Variants in APBA3 observed in about 807,000 individuals in gnomAD.
APBA3 encodes the protein amyloid-beta A4 precursor protein-binding family A member 3.
A neutral mutation model predicts 55.9 loss-of-function variants in APBA3; 45 were observed. The observed-to-expected ratio is 0.80, with a 90% CI of 0.63 to 1.03. The LOEUF is 1.03. APBA3 is among the 50% of genes least tolerant of loss of function. The pLI, the probability that APBA3 is intolerant of heterozygous loss-of-function variation, is 0.00. For missense variants in APBA3, 865 were observed against 820.3 expected, an observed-to-expected ratio of 1.05 and a Z score of -0.67; for synonymous variants, 370 against 353.3, an observed-to-expected ratio of 1.05 and a Z score of -0.53.
intron 3 of APBA3, chr19:3,755,672 C>G (rs2037071731): frequency 6.6e-6 from 1 of 151,950 alleles, no homozygotes; most frequent in Non-Finnish European, 1.5e-5. Context: ...TGGCGCGTGC[C>G]TATAATCCCA....
In APBA3 at chr19:3,753,827, C is replaced by T; in HGVS notation, c.949G>A (p.Ala317Thr). ...AGGCGGCGGCCGTGGTCCTGGGGTG[C>T]CGGCCTCCGTGCCAGCCGCCGCCGC... ...MARRRLARRPAPQDHGRRLYK... is the reference protein window; with the variant it reads ...MARRRLARRPTPQDHGRRLYK... The change falls in exon 6 of 11, where the codon GCA becomes ACA. Residue 317 changes from alanine to threonine, a missense_variant. Physicochemically the swap from Ala to Thr is moderately conservative, Grantham distance 58. Transcript: ENST00000316757. 1 of 1,575,150 alleles carries T rather than the reference C, an allele frequency of 6.3e-7. No homozygotes were observed.
chr19:3,760,149 G>C lies in APBA3; in HGVS notation c.116C>G (p.Pro39Arg), dbSNP rs1251465882. 7 of 1,613,322 alleles carry C rather than the reference G, an allele frequency of 4.3e-6. No homozygotes were observed. The highest frequency in any genetic ancestry group is 2.7e-5 in the African/African-American group (2 of 74,958). The change falls in exon 2 of 11, where the codon CCT (proline) becomes CGT (arginine). Residue 39 changes from proline (P) to arginine (R), a missense_variant. By Grantham distance (103) the Pro-to-Arg change is moderately radical. Transcript: ENST00000316757. ...GAGGCTGCCGGGGCCTCCTGGCATA[G>C]GGTCCCACTGGCTGTCAGGGGTGAG... ...EDLTPDSQWD[P>R]MPGGPGSLSR...
rs990387806 is a variant in APBA3, at chr19:3,758,258, A to AT, written c.616+1302dup. Among the ~76,000 whole-genome samples the AT allele has an allele frequency of 6.0e-5, 9 of 151,078 alleles. No individual in the cohort carries two copies. In the East Asian group the frequency reaches 1.4e-3, roughly 23 times the overall value. On this transcript the variant is annotated intron_variant, in intron 3 of 10. Transcript: ENST00000316757. ...TTATGCACACTGAAATTTGAATTGC[A>AT]TTTTTTTATTTTTGAGACAGAGTCT...
Position 3,759,593 on chromosome 19 carries a change from TC to T in APBA3, c.583del (p.Glu195ArgfsTer69), listed in dbSNP as rs1261306011. ...GGGGGCAGGGTAGGAAGCCAGGGTC[TC>T]GGGGCTCTGGAAGAAGATAGAGGAG... ...EEPPAGAQSP[E>X]TLASYPAPQE... On this transcript the variant is annotated frameshift_variant, in exon 3 of 11. Transcript: ENST00000316757. LOFTEE classifies it high-confidence loss of function. The T allele has an allele frequency of 1.1e-5, 17 of 1,600,122 alleles. No individual in the cohort carries two copies. Among genetic ancestry groups the T allele is most frequent in the Non-Finnish European group, 1.4e-5 (17 of 1,174,944 alleles).
At chr19:3,753,684 TAA>T (rs1213355255) in intron 6 of APBA3, 79 bp downstream of exon 6, 1 of 1,324,112 alleles carries the variant, frequency 7.6e-7, no homozygotes, top group African/African-American at 1.5e-5. Flanking sequence ...GGAGGGAGGT[TAA>T]ATGCACGGCC....
chr19:3,751,398 ACCCCCC>A, intron 9 of APBA3, 30 bp downstream of exon 9: 1 of 1,510,678 alleles, frequency 6.6e-7, no homozygotes, highest in Non-Finnish European at 8.8e-7. Flanking sequence ...GGGCCGCCCT[ACCCCCC>A]CACCCCGGGG....
At chr19:3,754,134 C>T (rs2037046593) in intron 4 of APBA3, 29 bp from the exon 5 acceptor site, 7 of 1,565,058 alleles carry the variant, frequency 4.5e-6, no homozygotes, top group African/African-American at 1.4e-5. Flanking sequence ...GAGGTGGAGG[C>T]CCCCACAGAC....
At chr19:3,751,406 A>C (rs200327952) in intron 9 of APBA3, 28 bp downstream of exon 9, 1 of 1,513,364 alleles carries the variant, frequency 6.6e-7, no homozygotes, top group Non-Finnish European at 8.8e-7. Flanking sequence ...CTACCCCCCC[A>C]CCCCGGGGCC....
rs572927458 is a variant in APBA3, at chr19:3,761,199, C to T, written c.-38+337G>A. The stretch of plus-strand genomic sequence containing the variant: ...TTCCAGGTCCTCCTCCCTCAAGACG[C>T]GGAACCCAGGCTGGAGACCCAGACC... On this transcript the variant is annotated intron_variant, in intron 1 of 10. Transcript: ENST00000316757. 2.0e-3 allele frequency among the ~76,000 whole-genome samples: 311 copies of T among 152,202 alleles called. 2 individuals are homozygous for T. The highest frequency in any genetic ancestry group is 7.2e-3 in the African/African-American group (297 of 41,522).
rs781639590 is a variant in APBA3 at position 3,759,560 on chromosome 19, C to T, written c.616+1G>A. On this transcript the variant is annotated splice_donor_variant, in intron 3 of 10. Coordinates refer to ENST00000316757, the MANE Select transcript of APBA3 (RefSeq NM_004886.4). LOFTEE classifies it high-confidence loss of function. ...GAGGCTAGGGTGGGCGGGACACTCA[C>T]CCTCCTGGGGGGCAGGGTAGGAAGC... is the stretch of plus-strand genomic sequence containing the variant. The T allele has an allele frequency of 1.1e-5, 17 of 1,598,526 alleles. No homozygotes were observed. In the East Asian group the frequency reaches 2.5e-4, roughly 23 times the overall value.
At chr19:3,759,187 C>G (rs1017811415) in intron 3 of APBA3, among the ~76,000 whole-genome samples, 3 of 152,202 alleles carry the variant, frequency 2.0e-5, no homozygotes, top group African/African-American at 7.2e-5. Context: ...TGAGATCAAG[C>G]CACTGCACTC....
In APBA3 at chr19:3,753,812, C is replaced by A. The variant is rs561702584; in HGVS notation, c.964G>T (p.Gly322Cys). 4 of 1,573,594 alleles carry A rather than the reference C, an allele frequency of 2.5e-6. No individual in the cohort carries two copies. The highest frequency in any genetic ancestry group is 1.9e-5 in the Admixed American group (1 of 52,664). ...CAGAGCATCTTGTAGAGGCGGCGGCCGTGGTCCTGGGGTGCCGGCCTCCGT... is the reference window on the plus strand; with the variant it reads ...CAGAGCATCTTGTAGAGGCGGCGGCAGTGGTCCTGGGGTGCCGGCCTCCGT... ...LARRPAPQDH[G>C]RRLYKMLCHV... The change falls in exon 6 of 11, where the codon GGC becomes TGC. Residue 322 changes from glycine to cysteine, a missense_variant. Gly to Cys is a radical substitution (Grantham distance 159, BLOSUM62 -3). Transcript: ENST00000316757.
rs535333630 is a variant in APBA3 at position 3,750,776 on chromosome 19, T to C, written c.*250A>G. 3 of 1,149,184 alleles carry C rather than the reference T, an allele frequency of 2.6e-6. No individual in the cohort carries two copies. The highest frequency in any genetic ancestry group is 3.8e-6 in the Non-Finnish European group (3 of 789,292). The allele number at this position is 1,149,184 out of a possible 1,614,324, so 71.2% of individuals were successfully genotyped here. ...TACAGAACCCACAACCTTACCTCCC[T>C]CCGCCTGGTCTTTAATAAACAGAGT... On this transcript the variant is annotated 3_prime_UTR_variant, in exon 11 of 11. Coordinates refer to ENST00000316757, the MANE Select transcript of APBA3 (RefSeq NM_004886.4).
chr19:3,757,777 G>A (rs1174826880), intron 3 of APBA3, among the ~76,000 whole-genome samples: 1 of 152,154 alleles, frequency 6.6e-6, no homozygotes, highest in Non-Finnish European at 1.5e-5. Context: ...AACATTTTCT[G>A]TAAAGGGCCA....
At position 3,753,883 on chromosome 19, in the gene APBA3, G is replaced by T; in HGVS notation, c.893C>A (p.Ala298Asp). 1 of 1,561,088 alleles carries T rather than the reference G, an allele frequency of 6.4e-7. No homozygotes were observed. Among genetic ancestry groups the T allele is most frequent in the Non-Finnish European group, 8.7e-7 (1 of 1,152,788 alleles). The change falls in exon 6 of 11, where the codon GCC becomes GAC. Residue 298 changes from alanine to aspartate, a missense_variant. Transcript: ENST00000316757. ...CAGCACCAGCACGCAGCCGATGTCGGCTGTGTAGGAGATGGTATGCAGGGC... is the reference window on the plus strand; with the variant it reads ...CAGCACCAGCACGCAGCCGATGTCGTCTGTGTAGGAGATGGTATGCAGGGC... ...DHALHTISYT[A>D]DIGCVLVLMA...
Position 3,750,902 on chromosome 19 carries a change from T to C in APBA3, c.*124A>G. The stretch of plus-strand genomic sequence containing the variant: ...TTGCCAAATGCATAAGCTTTTACTG[T>C]TTTTATATTAGGAAATCATACAGGA... On this transcript the variant is annotated 3_prime_UTR_variant, in exon 11 of 11. Coordinates refer to ENST00000316757, the MANE Select transcript of APBA3 (RefSeq NM_004886.4). The C allele has an allele frequency of 2.4e-6, 3 of 1,231,020 alleles. No homozygotes were observed. The highest frequency in any genetic ancestry group is 3.5e-6 in the Non-Finnish European group (3 of 858,404). 76.3% of individuals were successfully genotyped at this position (1,231,020 alleles called of 1,614,324 possible).
At chr19:3,760,434 G>C (rs1385269637) in intron 1 of APBA3, 133 bp from the exon 2 acceptor site, 3 of 599,826 alleles carry the variant, frequency 5.0e-6, no homozygotes, top group Middle Eastern at 4.3e-4. Context: ...AACAGAGCAA[G>C]ACCCTCTCTC....
At chr19:3,753,086 C>T (rs1393036521) in intron 6 of APBA3, 96 bp from the exon 7 acceptor site, 12 of 1,416,778 alleles carry the variant, frequency 8.5e-6, no homozygotes, top group Non-Finnish European at 1.0e-5. Context: ...CTCCTGTCCC[C>T]ACCTGGGGTG....
intron 3 of APBA3, 56 bp downstream of exon 3, chr19:3,759,495 GGTGAGCCTGA>G (rs1217112290): frequency 6.8e-7 from 1 of 1,467,888 alleles, no homozygotes; most frequent in African/African-American, 1.4e-5. Flanking sequence ...TTGCCAGGCT[GGTGAGCCTGA>G]TTCTGGCTGT....
Sources: gnomAD v4.1 joint callset for allele counts (sites outside exome capture counted in the v4.1 genomes callset) on GRCh38, gnomAD v4.1.1 for gene constraint, MANE v1.5 for transcripts, NCBI Gene and HGNC (gene_info 2026-07-23, HGNC 2026-07-21) for gene names.